CAMTA1: variants seen among roughly 807,000 people sequenced by gnomAD.
CAMTA1 encodes calmodulin-binding transcription activator 1.
Under a neutral mutation model 170.9 loss-of-function variants are expected in CAMTA1, and 27 were observed. The observed-to-expected ratio is 0.16, with a 90% CI of 0.12 to 0.22. The LOEUF is 0.22. CAMTA1 is among the 10% of genes least tolerant of loss of function. The pLI, the probability that CAMTA1 is intolerant of heterozygous loss-of-function variation, is 1.00. For missense variants in CAMTA1, 1,619 were observed against 2,217.2 expected, an observed-to-expected ratio of 0.73 and a Z score of 5.42; for synonymous variants, 833 against 891.5, an observed-to-expected ratio of 0.93 and a Z score of 1.17.
chr1:6,978,078 G>A (rs111393100), intron 3 of CAMTA1, among the ~76,000 whole-genome samples: 4 of 152,256 alleles, frequency 2.6e-5, no homozygotes, highest in African/African-American at 7.2e-5. Context: ...TGGGGGTGTG[G>A]TGGTGGTCAG....
intron 4 of CAMTA1, among the ~76,000 whole-genome samples, chr1:7,103,629 CT>C (rs1323783798): frequency 4.8e-4 from 67 of 138,238 alleles, no homozygotes; most frequent in Admixed American, 1.1e-3. Flanking sequence ...GCACACACAA[CT>C]ACACACACGC....
intron 5 of CAMTA1, among the ~76,000 whole-genome samples, chr1:7,254,820 C>T (rs996856063): frequency 3.3e-5 from 5 of 152,190 alleles, no homozygotes; most frequent in Admixed American, 6.5e-5. Context: ...TTGCTTGCAG[C>T]CACTGGAAAA....
At chr1:6,923,475 A>G (rs1682450144) in intron 3 of CAMTA1, among the ~76,000 whole-genome samples, 1 of 152,210 alleles carries the variant, frequency 6.6e-6, no homozygotes, top group African/African-American at 2.4e-5. Flanking sequence ...AAGATGAGGA[A>G]GAGAACTAGA....
intron 6 of CAMTA1, among the ~76,000 whole-genome samples, chr1:7,472,870 A>G (rs1283817948): frequency 2.0e-5 from 3 of 152,172 alleles, no homozygotes; most frequent in African/African-American, 7.2e-5. Context: ...GGCGGGGACA[A>G]TGCCAGTTCA....
intron 6 of CAMTA1, among the ~76,000 whole-genome samples, chr1:7,622,447 A>G (rs1462991633): frequency 6.6e-6 from 1 of 152,222 alleles, no homozygotes; most frequent in Non-Finnish European, 1.5e-5. Context: ...ATCTTATTTG[A>G]ATTCCAAAGT....
intron 4 of CAMTA1, among the ~76,000 whole-genome samples, chr1:7,119,030 C>G (rs149226498): frequency 9.2e-5 from 14 of 152,258 alleles, no homozygotes; most frequent in African/African-American, 2.9e-4. Flanking sequence ...CCTGTATTTC[C>G]CGGATACCCG....
intron 11 of CAMTA1, among the ~76,000 whole-genome samples, chr1:7,687,687 C>T (rs539105295): frequency 3.9e-5 from 6 of 152,280 alleles, no homozygotes; most frequent in East Asian, 3.9e-4. Flanking sequence ...TTGATAGGTC[C>T]GTGGGCCCCA....
chr1:7,022,907 AGGT>A (rs1387429140), intron 3 of CAMTA1, among the ~76,000 whole-genome samples: 1 of 152,172 alleles, frequency 6.6e-6, no homozygotes, highest in African/African-American at 2.4e-5. Flanking sequence ...GGAGATTTCC[AGGT>A]GCCGGAAGCC....
chr1:7,717,498 C>T (rs1577149510), intron 11 of CAMTA1, among the ~76,000 whole-genome samples: 1 of 152,114 alleles, frequency 6.6e-6, no homozygotes, highest in African/African-American at 2.4e-5. Flanking sequence ...GTAATCTCAG[C>T]ACTTTGGGAG....
At chr1:7,107,372 G>A (rs1332434368) in intron 4 of CAMTA1, among the ~76,000 whole-genome samples, 5 of 151,370 alleles carry the variant, frequency 3.3e-5, no homozygotes, top group African/African-American at 4.8e-5. Context: ...AATTGATTTC[G>A]TTGGGAAAAA....
At chr1:7,102,824 C>A (rs1642901372) in intron 4 of CAMTA1, among the ~76,000 whole-genome samples, 1 of 152,028 alleles carries the variant, frequency 6.6e-6, no homozygotes, top group African/African-American at 2.4e-5. Context: ...TCATCTTCTC[C>A]CTGGGTTATG....
intron 7 of CAMTA1, among the ~76,000 whole-genome samples, chr1:7,640,885 G>A (rs935055224): frequency 5.3e-5 from 8 of 152,178 alleles, no homozygotes; most frequent in Non-Finnish European, 1.0e-4. Context: ...GAGGCCGGCT[G>A]GGGAGGGAAA....
At chr1:7,323,507 C>CTTTTT (rs56382342) in intron 5 of CAMTA1, among the ~76,000 whole-genome samples, 97 of 108,964 alleles carry the variant, frequency 8.9e-4, no homozygotes, top group African/African-American at 2.4e-3. Flanking sequence ...CTTTATTCTT[C>CTTTTT]TTTTTTTTTT....
intron 3 of CAMTA1, among the ~76,000 whole-genome samples, chr1:6,928,223 C>T (rs1386493815): frequency 6.6e-6 from 1 of 152,216 alleles, no homozygotes; most frequent in Non-Finnish European, 1.5e-5. Flanking sequence ...GCTGCTGATG[C>T]TAACAGAAAT....
intron 7 of CAMTA1, among the ~76,000 whole-genome samples, chr1:7,652,609 A>G (rs1296507931): frequency 6.6e-6 from 1 of 152,148 alleles, no homozygotes; most frequent in East Asian, 1.9e-4. Flanking sequence ...GGATGACAGC[A>G]TGTGGTCCAG....
chr1:7,149,131 T>C (rs983502226), intron 4 of CAMTA1, among the ~76,000 whole-genome samples: 11 of 152,138 alleles, frequency 7.2e-5, no homozygotes, highest in African/African-American at 2.7e-4. Context: ...TGGGTACAAG[T>C]CCCTACTTGC....
rs950595202 is a variant in CAMTA1, at chr1:7,010,315, C to G, written c.235-80989C>G. Among the ~76,000 whole-genome samples the G allele has an allele frequency of 6.6e-6, 1 of 152,166 alleles. No individual in the cohort carries two copies. The highest frequency in any genetic ancestry group is 2.1e-4 in the South Asian group (1 of 4,828). On this transcript the variant is annotated intron_variant, in intron 3 of 22. Coordinates refer to ENST00000303635, the MANE Select transcript of CAMTA1 (RefSeq NM_015215.4). This position sits in a 1 kb window ranked among gnomAD's most constrained non-coding sequence, Gnocchi z 4.4. ...GCCCCCTCACTCGGCGTCCAGTGCTCAGGCCTCTGGGCTCTCTCTGGCCCT... is the reference window on the plus strand; with the variant it reads ...GCCCCCTCACTCGGCGTCCAGTGCTGAGGCCTCTGGGCTCTCTCTGGCCCT...
intron 4 of CAMTA1, among the ~76,000 whole-genome samples, chr1:7,150,193 T>C (rs1022000486): frequency 2.0e-5 from 3 of 152,232 alleles, no homozygotes; most frequent in African/African-American, 7.2e-5. Context: ...CATCGCCCTT[T>C]GCCTCCCCAG....
intron 5 of CAMTA1, among the ~76,000 whole-genome samples, chr1:7,400,844 G>T (rs2089844585): frequency 6.6e-6 from 1 of 152,110 alleles, no homozygotes; most frequent in Non-Finnish European, 1.5e-5. Flanking sequence ...GTGGAAGTGG[G>T]GCACCAGACT....
Sources: allele counts gnomAD v4.1 joint callset (sites outside exome capture counted in the v4.1 genomes callset), GRCh38; gene constraint gnomAD v4.1.1; non-coding constraint Gnocchi (gnomAD v3.1); transcripts MANE v1.5; gene names NCBI Gene and HGNC (gene_info 2026-07-23, HGNC 2026-07-21).